Variants in FBXW7 observed in about 807,000 individuals in gnomAD.
FBXW7 encodes F-box/WD repeat-containing protein 7.
A neutral mutation model predicts 86.3 loss-of-function variants in FBXW7; 11 were observed. The ratio of observed to expected loss-of-function variants is 0.13; its 90% CI spans 0.08 to 0.21. FBXW7 has a LOEUF of 0.21. Ranked by LOEUF, FBXW7 falls within the 10% of genes least tolerant of loss-of-function variation. The pLI is 1.00. For missense variants in FBXW7, 488 were observed against 847.4 expected (o/e 0.58, Z 5.27); for synonymous variants, 313 against 297.9 (o/e 1.05, Z -0.52).
intron 2 of FBXW7, among the ~76,000 whole-genome samples, chr4:152,521,153 T>C (rs1748977682): frequency 6.6e-6 from 1 of 152,116 alleles, no homozygotes; most frequent in Non-Finnish European, 1.5e-5. Flanking sequence ...GACAAGACTC[T>C]TGCCCTCAAA....
rs906099268 is a variant in FBXW7 at position 152,353,085 on chromosome 4, G to A, written c.502-2961C>T. 7.6e-6 allele frequency: 6 copies of A among 789,276 alleles called. No homozygotes were observed. The East Asian group carries it at 2.5e-4, about 33-fold the overall frequency. The allele number at this position is 789,276 out of a possible 1,614,324, so 48.9% of individuals were successfully genotyped here. The stretch of plus-strand genomic sequence containing the variant: ...TTTGTAAAACCTGCATTTTTGAAGA[G>A]TTTTAAATAGCAAGGAACATTTCCA... On this transcript the variant is annotated intron_variant, in intron 4 of 13. Transcript: ENST00000281708.
rs147319095 is a variant in FBXW7, at chr4:152,326,864, G to A, written c.1419-633C>T. Among the ~76,000 whole-genome samples the A allele has an allele frequency of 5.8e-3, 889 of 152,098 alleles. 7 individuals are homozygous for A. The highest frequency in any genetic ancestry group is 0.02 in the African/African-American group (837 of 41,504). On this transcript the variant is annotated intron_variant, in intron 11 of 13. Transcript: ENST00000281708. ...TTAGACATGTCCTCAAACACAGGCT[G>A]CTTATGCTTTTAATGATTAGATTTA...
intron 2 of FBXW7, among the ~76,000 whole-genome samples, chr4:152,495,701 T>C (rs903650528): frequency 5.9e-5 from 9 of 152,164 alleles, no homozygotes; most frequent in Non-Finnish European, 1.0e-4. Flanking sequence ...TTCTACTCCA[T>C]ACATTAACAC....
In FBXW7 at chr4:152,535,817, A is replaced by AGGCTCGGGCTCCGGCTCT. The variant is rs1554005603; in HGVS notation, c.-921_-904dup. ...CCCCCCAAGCCGCCGGCTCCGGCTC[A>AGGCTCGGGCTCCGGCTCT]GGCTCGGGCTCCGGCTCTGGCTCCG... On this transcript the variant is annotated 5_prime_UTR_variant, in exon 1 of 14. Transcript: ENST00000281708. 32 of 390,008 alleles carry AGGCTCGGGCTCCGGCTCT rather than the reference A, an allele frequency of 8.2e-5. No individual in the cohort carries two copies. The highest frequency in any genetic ancestry group is 1.2e-4 in the South Asian group (1 of 8,646). The allele number at this position is 390,008 out of a possible 1,614,324, so 24.2% of individuals were successfully genotyped here.
intron 2 of FBXW7, among the ~76,000 whole-genome samples, chr4:152,528,880 A>G (rs1359488346): frequency 6.6e-6 from 1 of 152,206 alleles, no homozygotes; most frequent in Non-Finnish European, 1.5e-5. Flanking sequence ...ATTCCAGAGC[A>G]GTCATGCAGA....
rs994920181 is a variant in FBXW7, at chr4:152,424,931, G to A, written c.-119-12402C>T. Among the ~76,000 whole-genome samples the A allele has an allele frequency of 6.6e-5, 10 of 152,194 alleles. No individual in the cohort carries two copies. The South Asian group carries it at 2.1e-3, about 32-fold the overall frequency. On this transcript the variant is annotated intron_variant, in intron 2 of 13. Transcript: ENST00000281708. ...ACTGGCTCTGCAGGTCACTGGTTGA[G>A]ACATCAACTGACTATGCATATGAAA...
chr4:152,506,459 T>A (rs1304677495), intron 2 of FBXW7, among the ~76,000 whole-genome samples: 1 of 152,212 alleles, frequency 6.6e-6, no homozygotes, highest in Admixed American at 6.5e-5. Flanking sequence ...CGACTGGCAG[T>A]GCAGAAGATT....
intron 2 of FBXW7, among the ~76,000 whole-genome samples, chr4:152,434,992 T>G (rs1264227675): frequency 6.9e-6 from 1 of 145,476 alleles, no homozygotes; most frequent in Non-Finnish European, 1.5e-5. Flanking sequence ...TTCCTTTACA[T>G]GTTTAATATT....
At chr4:152,470,046 A>G (rs78112145) in intron 2 of FBXW7, among the ~76,000 whole-genome samples, 2,074 of 152,092 alleles carry the variant, frequency 0.014, 26 homozygotes, top group Middle Eastern at 0.037. Flanking sequence ...TCAGAGTTAC[A>G]CCTACTCTGT....
intron 4 of FBXW7, among the ~76,000 whole-genome samples, chr4:152,369,506 T>C (rs973140335): frequency 6.6e-6 from 1 of 152,090 alleles, no homozygotes; most frequent in African/African-American, 2.4e-5. Flanking sequence ...AAGAGATAAC[T>C]GCTCAGTTGT....
chr4:152,468,870 T>C (rs909148843), intron 2 of FBXW7, among the ~76,000 whole-genome samples: 2 of 152,082 alleles, frequency 1.3e-5, no homozygotes, highest in Admixed American at 1.3e-4. Context: ...AATAAGTTAC[T>C]CTTTTGTACT....
intron 2 of FBXW7, among the ~76,000 whole-genome samples, chr4:152,519,635 T>C (rs1166847347): frequency 1.3e-5 from 2 of 152,380 alleles, no homozygotes; most frequent in East Asian, 3.9e-4. Flanking sequence ...TGAGGGTTAA[T>C]GCAAATCAAT....
intron 2 of FBXW7, among the ~76,000 whole-genome samples, chr4:152,529,178 T>C (rs1749792639): frequency 6.6e-6 from 1 of 152,204 alleles, no homozygotes; most frequent in African/African-American, 2.4e-5. Context: ...ACCTTGTGTC[T>C]TTTAAATTGC....
chr4:152,388,511 T>G (rs115863785), intron 4 of FBXW7, among the ~76,000 whole-genome samples: 125 of 152,274 alleles, frequency 8.2e-4, no homozygotes, highest in African/African-American at 2.8e-3. Flanking sequence ...GTTAGACATT[T>G]AAGCTGTTTT....
intron 4 of FBXW7, among the ~76,000 whole-genome samples, chr4:152,404,455 G>T (rs964004740): frequency 3.9e-5 from 6 of 152,118 alleles, no homozygotes; most frequent in Admixed American, 2.0e-4. Context: ...CTTTGCATAT[G>T]TATATATGTA....
At position 152,456,455 on chromosome 4, in the gene FBXW7, G is replaced by C. The variant is rs187450511; in HGVS notation, c.-119-43926C>G. On this transcript the variant is annotated intron_variant, in intron 2 of 13. Coordinates refer to ENST00000281708, the MANE Select transcript of FBXW7 (RefSeq NM_001349798.2). Reference sequence around the variant, plus strand: ...GGAGGCTGAGGCAGGGGGATCACTTGAACTCAGGAGTTCAAGGCTGCAGTG... The same window carrying C: ...GGAGGCTGAGGCAGGGGGATCACTTCAACTCAGGAGTTCAAGGCTGCAGTG... Among the ~76,000 whole-genome samples, 441 of 147,390 alleles carry C rather than the reference G, an allele frequency of 3.0e-3. 3 individuals carry two copies. Among genetic ancestry groups the C allele is most frequent in the African/African-American group, 9.8e-3 (394 of 40,348 alleles).
At chr4:152,431,751 A>AT (rs1043600584) in intron 2 of FBXW7, among the ~76,000 whole-genome samples, 78 of 152,244 alleles carry the variant, frequency 5.1e-4, no homozygotes, top group African/African-American at 1.7e-3. Flanking sequence ...ACAAGAGGAC[A>AT]TTTTTTTCTC....
chr4:152,466,738 C>T (rs1298580339), intron 2 of FBXW7, among the ~76,000 whole-genome samples: 1 of 152,056 alleles, frequency 6.6e-6, no homozygotes, highest in East Asian at 1.9e-4. Context: ...GTCAGGAGAT[C>T]GAGACCATCC....
chr4:152,484,478 C>T (rs1423244351), intron 2 of FBXW7, among the ~76,000 whole-genome samples: 3 of 152,094 alleles, frequency 2.0e-5, no homozygotes, highest in East Asian at 3.9e-4. Context: ...CTTGGCTACA[C>T]ATACAAGGGG....
Sources: allele counts gnomAD v4.1 joint callset (sites outside exome capture counted in the v4.1 genomes callset), GRCh38; gene constraint gnomAD v4.1.1; transcripts MANE v1.5; gene names NCBI Gene and HGNC (gene_info 2026-07-23, HGNC 2026-07-21).